The following SLC35F3 variants were observed in gnomAD, a reference collection of about 807,000 sequenced individuals.
SLC35F3 encodes solute carrier family 35 member F3.
In SLC35F3, 25 loss-of-function variants were observed where a neutral mutation model predicts 49.9. The observed-to-expected ratio is 0.50, with a 90% CI of 0.37 to 0.70. The LOEUF is 0.70. Ranked by LOEUF, SLC35F3 falls within the 30% of genes least tolerant of loss-of-function variation. The pLI, the probability that SLC35F3 is intolerant of heterozygous loss-of-function variation, is 0.00. For synonymous variants in SLC35F3, 275 were observed against 265.4 expected (o/e 1.04, Z -0.35); for missense variants, 525 against 639.8 (o/e 0.82, Z 1.94).
intron 3 of SLC35F3, among the ~76,000 whole-genome samples, chr1:234,286,445 T>C (rs895009531): frequency 6.6e-6 from 1 of 152,214 alleles, no homozygotes; most frequent in Non-Finnish European, 1.5e-5. Flanking sequence ...GGGATTTTGA[T>C]GGATTATAAC....
At chr1:234,082,816 C>G (rs957135143) in intron 2 of SLC35F3, among the ~76,000 whole-genome samples, 2 of 152,144 alleles carry the variant, frequency 1.3e-5, no homozygotes, top group Admixed American at 6.5e-5. Flanking sequence ...ACCAGGAGAA[C>G]AGTATGGGGG....
At chr1:233,929,137 G>T (rs1041297636) in intron 2 of SLC35F3, among the ~76,000 whole-genome samples, 4 of 152,066 alleles carry the variant, frequency 2.6e-5, no homozygotes, top group African/African-American at 9.6e-5. Flanking sequence ...ATATAGTGAG[G>T]AGTAAAGATT....
At chr1:233,965,081 G>T (rs1662880515) in intron 2 of SLC35F3, among the ~76,000 whole-genome samples, 1 of 152,162 alleles carries the variant, frequency 6.6e-6, no homozygotes, top group Non-Finnish European at 1.5e-5. Flanking sequence ...CTAAGCCTTT[G>T]TTTATACCCT....
chr1:234,038,801 A>T (rs1047447774), intron 2 of SLC35F3, among the ~76,000 whole-genome samples: 1 of 152,116 alleles, frequency 6.6e-6, no homozygotes, highest in Non-Finnish European at 1.5e-5. Context: ...CAAATAAGAG[A>T]TGGTGAGGAG....
chr1:233,950,020 C>T (rs1478767666), intron 2 of SLC35F3, among the ~76,000 whole-genome samples: 2 of 152,078 alleles, frequency 1.3e-5, no homozygotes, highest in African/African-American at 4.8e-5. Context: ...CACCTCTGCA[C>T]ACGAGGTGAG....
intron 3 of SLC35F3, among the ~76,000 whole-genome samples, chr1:234,259,029 TA>T (rs1343713643): frequency 6.6e-6 from 1 of 152,030 alleles, no homozygotes; most frequent in Non-Finnish European, 1.5e-5. Flanking sequence ...AAGGGGAGAG[TA>T]AAAACCACTT....
chr1:234,251,483 A>G (rs1371175213), intron 3 of SLC35F3, among the ~76,000 whole-genome samples: 2 of 114,858 alleles, frequency 1.7e-5, no homozygotes, highest in African/African-American at 2.8e-5. Flanking sequence ...AAAAAAAAAC[A>G]CACACACACA....
intron 2 of SLC35F3, among the ~76,000 whole-genome samples, chr1:233,939,911 A>C (rs1662394028): frequency 6.6e-6 from 1 of 152,250 alleles, no homozygotes; most frequent in Admixed American, 6.5e-5. Context: ...TAGGTCCTTT[A>C]TTCCATCTTT....
intron 2 of SLC35F3, among the ~76,000 whole-genome samples, chr1:234,195,700 T>A (rs1443779287): frequency 6.6e-6 from 1 of 152,096 alleles, no homozygotes; most frequent in African/African-American, 2.4e-5. Context: ...ATGATATGGT[T>A]TGGCTGCATC....
chr1:233,911,338 G>C (rs536233768), intron 2 of SLC35F3, among the ~76,000 whole-genome samples: 21 of 152,140 alleles, frequency 1.4e-4, no homozygotes, highest in Non-Finnish European at 2.6e-4. Flanking sequence ...TGTATAATTT[G>C]GTTGTAAAAG....
chr1:234,048,753 G>A (rs1249699859), intron 2 of SLC35F3, among the ~76,000 whole-genome samples: 2 of 152,188 alleles, frequency 1.3e-5, no homozygotes, highest in Admixed American at 6.5e-5. Flanking sequence ...TTTCCATTGG[G>A]TCCAGAAGGT....
chr1:234,181,008 A>G (rs1181061768), intron 2 of SLC35F3, among the ~76,000 whole-genome samples: 2 of 152,158 alleles, frequency 1.3e-5, no homozygotes, highest in African/African-American at 4.8e-5. Context: ...CAGACATCAT[A>G]TAATTTCTTT....
intron 2 of SLC35F3, among the ~76,000 whole-genome samples, chr1:234,124,635 G>A (rs1012646964): frequency 7.9e-5 from 12 of 152,172 alleles, no homozygotes; most frequent in Admixed American, 6.5e-4. Context: ...GGGAGGCTGC[G>A]GTGGGAGCGT....
chr1:234,030,689 C>G (rs542224422), intron 2 of SLC35F3, among the ~76,000 whole-genome samples: 1 of 152,086 alleles, frequency 6.6e-6, no homozygotes. Context: ...ACTTTTTGAC[C>G]TACAAAAACA....
intron 2 of SLC35F3, chr1:234,213,505 T>G (rs1195495784): frequency 3.9e-5 from 6 of 152,282 alleles, no homozygotes; most frequent in African/African-American, 1.2e-4. Flanking sequence ...TAAATGCCCC[T>G]CCGGACTCAG....
chr1:234,048,255 A>T (rs1470891910), intron 2 of SLC35F3, among the ~76,000 whole-genome samples: 1 of 152,222 alleles, frequency 6.6e-6, no homozygotes, highest in African/African-American at 2.4e-5. Flanking sequence ...GAACTTAAAA[A>T]TTTGGAAATT....
At chr1:234,304,235 C>T (rs1192879544) in intron 3 of SLC35F3, among the ~76,000 whole-genome samples, 1 of 151,946 alleles carries the variant, frequency 6.6e-6, no homozygotes, top group Non-Finnish European at 1.5e-5. Context: ...GATCTTGGCT[C>T]ACTGCAACCT....
intron 2 of SLC35F3, among the ~76,000 whole-genome samples, chr1:234,134,865 G>T (rs529985909): frequency 1.3e-5 from 2 of 152,258 alleles, no homozygotes; most frequent in East Asian, 3.9e-4. Flanking sequence ...GGCATTACAG[G>T]CATGTGCCAC....
intron 3 of SLC35F3, among the ~76,000 whole-genome samples, chr1:234,265,548 C>T (rs1015617906): frequency 6.6e-6 from 1 of 152,074 alleles, no homozygotes; most frequent in Non-Finnish European, 1.5e-5. Context: ...GACTGTACTT[C>T]CAGAACATAT....
Sources: allele counts gnomAD v4.1 joint callset (sites outside exome capture counted in the v4.1 genomes callset), GRCh38; gene constraint gnomAD v4.1.1; transcripts MANE v1.5; gene names NCBI Gene and HGNC (gene_info 2026-07-23, HGNC 2026-07-21).